AP1M1: variants seen among roughly 807,000 people sequenced by gnomAD.
The protein encoded by AP1M1 is adaptor related protein complex 1 subunit mu 1.
In AP1M1, 18 loss-of-function variants were observed where a neutral mutation model predicts 57.1. That is an observed-to-expected ratio of 0.32 (90% CI 0.22 to 0.47). AP1M1 has a LOEUF of 0.47. AP1M1 is among the 20% of genes least tolerant of loss of function. The pLI is 1.00. For missense variants in AP1M1, 362 were observed against 593.5 expected (o/e 0.61, Z 4.05); for synonymous variants, 241 against 237.9 (o/e 1.01, Z -0.12).
Position 16,208,041 on chromosome 19 carries a change from A to C in AP1M1, c.290A>C (p.Glu97Ala). ...VVQVFSEYFK[E>A]LEEESIRDNF... ...CAGGTGTTTTCCGAGTACTTCAAGG[A>C]GCTGGAGGAGGAGAGCATCCGGGAC... The change falls in exon 4 of 12, where the codon GAG (glutamate) becomes GCG (alanine). Residue 97 changes from glutamate to alanine, a missense_variant. Glu to Ala is a moderately radical substitution (Grantham distance 107). Around this residue, in one of 2 missense-constraint regions of AP1M1, gnomAD observed 337 missense variants for 511.1 expected, o/e 0.66. Coordinates refer to ENST00000291439, the MANE Select transcript of AP1M1 (RefSeq NM_032493.4). The C allele has an allele frequency of 1.2e-6, 2 of 1,613,424 alleles. No homozygotes were observed. The highest frequency in any genetic ancestry group is 1.7e-6 in the Non-Finnish European group (2 of 1,179,772).
intron 2 of AP1M1, among the ~76,000 whole-genome samples, chr19:16,204,478 G>A (rs539591644): frequency 3.9e-5 from 6 of 152,180 alleles, no homozygotes; most frequent in Non-Finnish European, 7.4e-5. Flanking sequence ...TGGGAACAAC[G>A]ACCCCTCACT....
intron 9 of AP1M1, among the ~76,000 whole-genome samples, chr19:16,232,298 G>A (rs1167378649): frequency 1.3e-5 from 2 of 152,228 alleles, no homozygotes; most frequent in Non-Finnish European, 2.9e-5. Flanking sequence ...GTTTTGGTGT[G>A]TGAGCCGGCG....
At chr19:16,215,214 A>AGGGGGGGGGGGGGGGGGGGGGGG (rs1262651842) in intron 5 of AP1M1, among the ~76,000 whole-genome samples, 2 of 2,574 alleles carry the variant, frequency 7.8e-4, no homozygotes, top group Non-Finnish European at 1.7e-3. Context: ...GGGGGGGGAG[A>AGGGGGGGGGGGGGGGGGGGGGGG]GGGGGGAGGG....
chr19:16,229,195 T>G (rs1042492614), intron 9 of AP1M1, among the ~76,000 whole-genome samples: 1 of 152,160 alleles, frequency 6.6e-6, no homozygotes, highest in African/African-American at 2.4e-5. Flanking sequence ...TCTCCCTCCC[T>G]CTCTGTGATG....
intron 5 of AP1M1, among the ~76,000 whole-genome samples, chr19:16,215,390 G>A (rs1381350858): frequency 6.9e-6 from 1 of 144,532 alleles, no homozygotes; most frequent in Non-Finnish European, 1.5e-5. Flanking sequence ...GAACCTGGGA[G>A]GCGGAGGTTG....
At chr19:16,224,518 G>A (rs2091561825) in intron 5 of AP1M1, among the ~76,000 whole-genome samples, 1 of 152,228 alleles carries the variant, frequency 6.6e-6, no homozygotes, top group South Asian at 2.1e-4. Flanking sequence ...ACACAGCCGG[G>A]CCCTGAGCAA....
intron 5 of AP1M1, among the ~76,000 whole-genome samples, chr19:16,214,052 C>CTTTTTTTTT (rs71178658): frequency 4.3e-5 from 6 of 139,510 alleles, no homozygotes; most frequent in Admixed American, 2.2e-4. Context: ...TTTCCTTTTT[C>CTTTTTTTTT]TTTTTTTTTT....
At position 16,198,152 on chromosome 19, in the gene AP1M1, C is replaced by T. The variant is rs1172177249; in HGVS notation, c.42+84C>T. ...GGGGACCCACCCTGTTGCTAGGTAA[C>T]CGGCTTATGAGCCCCATCCTGGTGT... On this transcript the variant is annotated intron_variant, in intron 1 of 11. Coordinates refer to ENST00000291439, the MANE Select transcript of AP1M1 (RefSeq NM_032493.4). 4 of 1,504,594 alleles carry T rather than the reference C, an allele frequency of 2.7e-6. No homozygotes were observed. The Admixed American group carries it at 7.3e-5, about 27-fold the overall frequency. The allele number at this position is 1,504,594 out of a possible 1,614,324, so 93.2% of individuals were successfully genotyped here. A position where few individuals can be genotyped will look rare whatever the true frequency, so the allele number is the denominator to read the frequency against.
intron 2 of AP1M1, among the ~76,000 whole-genome samples, chr19:16,204,709 G>A (rs1180463358): frequency 6.6e-6 from 1 of 152,192 alleles, no homozygotes; most frequent in Non-Finnish European, 1.5e-5. Flanking sequence ...TTTGTTCCTG[G>A]TGGCCGGTGT....
intron 1 of AP1M1, 125 bp downstream of exon 1, chr19:16,198,193 G>A: frequency 1.9e-6 from 2 of 1,060,892 alleles, no homozygotes; most frequent in Non-Finnish European, 2.7e-6. Context: ...AGAGAGGCCG[G>A]TAGACCTCAC....
At chr19:16,202,672 C>T (rs965539846) in intron 1 of AP1M1, among the ~76,000 whole-genome samples, 15 of 152,216 alleles carry the variant, frequency 9.9e-5, no homozygotes, top group African/African-American at 3.1e-4. Context: ...CGATCCCTTC[C>T]GTTGCTGAGG....
intron 9 of AP1M1, among the ~76,000 whole-genome samples, chr19:16,231,287 CA>C (rs1231125818): frequency 8.7e-4 from 100 of 115,124 alleles, no homozygotes; most frequent in African/African-American, 3.5e-3. Context: ...GACTCTGTCT[CA>C]AAAAAAAAAA....
chr19:16,221,995 G>A (rs2091546460), intron 5 of AP1M1, among the ~76,000 whole-genome samples: 1 of 151,238 alleles, frequency 6.6e-6, no homozygotes. Flanking sequence ...CCTCAGATAT[G>A]TTTTTGTCAT....
rs138203254 is a variant in AP1M1, at chr19:16,239,740, G to C, written c.*5305G>C. ...ATGGCGCTCGCAGTGAGTCAAGATG[G>C]CACCGTTGTACTCTTGCCTGAGCGA... On this transcript the variant is annotated 3_prime_UTR_variant, in exon 12 of 12. Coordinates refer to ENST00000291439, the MANE Select transcript of AP1M1 (RefSeq NM_032493.4). 6.6e-6 allele frequency: 1 copy of C among 152,028 alleles called. No individual in the cohort carries two copies. Among genetic ancestry groups the C allele is most frequent in the East Asian group, 1.9e-4 (1 of 5,156 alleles). The allele number at this position is 152,028 out of a possible 1,614,324, so 9.4% of individuals were successfully genotyped here. A position where few individuals can be genotyped will look rare whatever the true frequency, so the allele number is the denominator to read the frequency against.
Position 16,203,779 on chromosome 19 carries a change from G to A in AP1M1, c.199+164G>A, listed in dbSNP as rs775234027. The stretch of plus-strand genomic sequence containing the variant: ...CTGCCTGCGGAGACAGGCAGACAAT[G>A]CACGATGACATGTGTGATGGGTGTG... On this transcript the variant is annotated intron_variant, in intron 2 of 11. Coordinates refer to ENST00000291439, the MANE Select transcript of AP1M1 (RefSeq NM_032493.4). This position sits in a 1 kb window ranked among gnomAD's most constrained non-coding sequence, Gnocchi z 4.6. 1.3e-5 allele frequency among the ~76,000 whole-genome samples: 2 copies of A among 152,208 alleles called. No homozygotes were observed. Among genetic ancestry groups the A allele is most frequent in the Non-Finnish European group, 2.9e-5 (2 of 68,048 alleles).
In AP1M1 at chr19:16,227,765, C is replaced by G. The variant is rs1003120282; in HGVS notation, c.816+75C>G. 5.2e-6 allele frequency: 8 copies of G among 1,545,726 alleles called. No homozygotes were observed. The African/African-American group carries it at 1.1e-4, about 21-fold the overall frequency. On this transcript the variant is annotated intron_variant, in intron 7 of 11. Transcript: ENST00000291439. The surrounding 1 kb of genome is among the most constrained non-coding windows in gnomAD (Gnocchi z 6.2). ...TCACCTCCAGGAGGTGAAGCCCAGGCAGGCGCCAGGGCCAGCCCCACCCCA... is the reference window on the plus strand; with the variant it reads ...TCACCTCCAGGAGGTGAAGCCCAGGGAGGCGCCAGGGCCAGCCCCACCCCA...
chr19:16,215,018 G>A (rs1041021014), intron 5 of AP1M1, among the ~76,000 whole-genome samples: 2 of 151,312 alleles, frequency 1.3e-5, no homozygotes, highest in African/African-American at 4.9e-5. Flanking sequence ...TAAAGTGCTG[G>A]GATTACAGGT....
intron 5 of AP1M1, among the ~76,000 whole-genome samples, chr19:16,215,959 C>T (rs1045574268): frequency 2.6e-5 from 4 of 152,148 alleles, no homozygotes; most frequent in Middle Eastern, 3.2e-3. Flanking sequence ...GTCTGTACTA[C>T]TGTTAATACT....
rs2091655359 is a variant in AP1M1, at chr19:16,244,356, C to G, written c.*9921C>G. 1 of 152,226 alleles carries G rather than the reference C, an allele frequency of 6.6e-6. No homozygotes were observed. Among genetic ancestry groups the G allele is most frequent in the South Asian group, 2.1e-4 (1 of 4,836 alleles). The allele number at this position is 152,226 out of a possible 1,614,324, so 9.4% of individuals were successfully genotyped here. A position where few individuals can be genotyped will look rare whatever the true frequency, so the allele number is the denominator to read the frequency against. The stretch of plus-strand genomic sequence containing the variant: ...AAAATTGTAAACAGTGTACTCACAT[C>G]AGGCACAAGGAAAGTGATCTCAGAC... On this transcript the variant is annotated 3_prime_UTR_variant, in exon 12 of 12. Transcript: ENST00000291439.
Sources: allele counts gnomAD v4.1 joint callset (sites outside exome capture counted in the v4.1 genomes callset), GRCh38; gene constraint gnomAD v4.1.1; regional missense constraint gnomAD v4.1.1; non-coding constraint Gnocchi (gnomAD v3.1); transcripts MANE v1.5; gene names NCBI Gene and HGNC (gene_info 2026-07-23, HGNC 2026-07-21).